Variants in PSD3 observed in about 807,000 individuals in gnomAD.
PSD3 encodes pleckstrin and Sec7 domain containing 3.
Under a neutral mutation model 105.5 loss-of-function variants are expected in PSD3, and 49 were observed. The ratio of observed to expected loss-of-function variants is 0.46; its 90% CI spans 0.37 to 0.59. The LOEUF (loss-of-function observed/expected upper bound fraction) is 0.59, where lower values mean the gene tolerates loss of function less well. Among genes scored for constraint, PSD3 ranks in the 20% least tolerant of loss-of-function variants. The pLI, the probability that PSD3 is intolerant of heterozygous loss-of-function variation, is 0.00. For missense variants in PSD3, 1,561 were observed against 1,263.8 expected, an observed-to-expected ratio of 1.24 and a Z score of -3.57; for synonymous variants, 557 against 457.8, an observed-to-expected ratio of 1.22 and a Z score of -2.77.
intron 1 of PSD3, among the ~76,000 whole-genome samples, chr8:19,029,973 A>G (rs1180425396): frequency 3.3e-5 from 5 of 152,216 alleles, no homozygotes; most frequent in Non-Finnish European, 5.9e-5. Flanking sequence ...TATTCTCTGT[A>G]AAGAGCCTTT....
At chr8:19,069,898 G>A (rs553332120) in intron 1 of PSD3, among the ~76,000 whole-genome samples, 28 of 151,674 alleles carry the variant, frequency 1.8e-4, no homozygotes, top group African/African-American at 6.5e-4. Flanking sequence ...TTTTAGTTGC[G>A]AAATCTGGCA....
intron 15 of PSD3, among the ~76,000 whole-genome samples, chr8:18,537,236 A>T (rs1799896231): frequency 1.3e-5 from 2 of 152,196 alleles, no homozygotes; most frequent in African/African-American, 4.8e-5. Context: ...TACACAACTG[A>T]TAACTTACCA....
At chr8:18,600,562 T>A in intron 11 of PSD3, 128 bp from the exon 12 acceptor site, 1 of 760,990 alleles carries the variant, frequency 1.3e-6, no homozygotes, top group Non-Finnish European at 2.1e-6. Context: ...CAATAAGAAC[T>A]AAAATTTTCT....
At chr8:18,852,658 A>G (rs1157605124) in intron 4 of PSD3, among the ~76,000 whole-genome samples, 1 of 152,174 alleles carries the variant, frequency 6.6e-6, no homozygotes, top group Non-Finnish European at 1.5e-5. Context: ...GAGATGCCCA[A>G]CTGACTGAGA....
rs945064901 is a variant in PSD3, at chr8:18,879,061, C to G, written c.131-6328G>C. Among the ~76,000 whole-genome samples, 8 of 150,008 alleles carry G rather than the reference C, an allele frequency of 5.3e-5. 1 individual carries two copies. The highest frequency in any genetic ancestry group is 4.3e-4 in the South Asian group (2 of 4,666). On this transcript the variant is annotated intron_variant, in intron 2 of 15. Transcript: ENST00000327040. ...AAACACACACACACAAACACACACACACACACACACACACACACACACACA... is the reference window on the plus strand; with the variant it reads ...AAACACACACACACAAACACACACAGACACACACACACACACACACACACA...
chr8:19,028,804 A>T (rs1176765541), intron 1 of PSD3, among the ~76,000 whole-genome samples: 3 of 152,112 alleles, frequency 2.0e-5, no homozygotes, highest in African/African-American at 7.2e-5. Context: ...TAGAATTGTT[A>T]TAGTTTTAGC....
intron 9 of PSD3, among the ~76,000 whole-genome samples, chr8:18,675,862 T>C (rs1286993376): frequency 6.6e-6 from 1 of 152,162 alleles, no homozygotes; most frequent in Admixed American, 6.6e-5. Flanking sequence ...TGCTTCACTA[T>C]GGATGAGTAA....
intron 14 of PSD3, among the ~76,000 whole-genome samples, chr8:18,563,642 G>A (rs1037488511): frequency 2.6e-5 from 4 of 152,052 alleles, no homozygotes; most frequent in African/African-American, 7.2e-5. Flanking sequence ...AAGCAAAATA[G>A]CTTCCACATG....
At chr8:18,733,748 T>C (rs1803940989) in intron 9 of PSD3, 1 of 152,664 alleles carries the variant, frequency 6.6e-6, no homozygotes, top group Admixed American at 6.5e-5. Context: ...CAATTATCTT[T>C]CTTCCAGCTA....
intron 4 of PSD3, among the ~76,000 whole-genome samples, chr8:18,824,005 C>A (rs1299710323): frequency 6.6e-6 from 1 of 151,888 alleles, no homozygotes; most frequent in Non-Finnish European, 1.5e-5. Context: ...CACCGTGAGA[C>A]CTTGCCTAAA....
intron 2 of PSD3, among the ~76,000 whole-genome samples, chr8:18,919,458 C>G (rs1382322854): frequency 6.6e-6 from 1 of 152,004 alleles, no homozygotes; most frequent in African/African-American, 2.4e-5. Context: ...AGAGCTCATT[C>G]AATACTAGAT....
At chr8:18,707,181 C>T (rs1013372348) in intron 9 of PSD3, among the ~76,000 whole-genome samples, 3 of 152,126 alleles carry the variant, frequency 2.0e-5, no homozygotes, top group African/African-American at 4.8e-5. Flanking sequence ...AAATCCTACC[C>T]ATCCTTCAAA....
chr8:18,618,680 AT>A (rs141475612), intron 11 of PSD3, among the ~76,000 whole-genome samples: 13,669 of 148,502 alleles, frequency 0.092, 800 homozygotes, highest in Middle Eastern at 0.27. Flanking sequence ...AGGTTTTTGC[AT>A]TTTTTTTTTC....
intron 1 of PSD3, among the ~76,000 whole-genome samples, chr8:19,077,833 T>A (rs62499163): frequency 0.37 from 56,980 of 151,952 alleles, 10,973 homozygotes; most frequent in South Asian, 0.5. Flanking sequence ...TATAACCCAA[T>A]TCAGGGCATG....
At position 19,074,678 on chromosome 8, in the gene PSD3, T is replaced by A. The variant is rs570782854; in HGVS notation, c.324+9528A>T. ...CTCTGTGGCCCAGGCTGGAGTGCAG[T>A]GACGCGATCGCAGCTCACCGCAAGC... is the stretch of plus-strand genomic sequence containing the variant. On this transcript the variant is annotated intron_variant, in intron 1 of 1. Transcript: ENST00000521475. Among the ~76,000 whole-genome samples, 10 of 136,554 alleles carry A rather than the reference T, an allele frequency of 7.3e-5. No homozygotes were observed. The South Asian group carries it at 7.4e-4, about 10-fold the overall frequency. 89.6% of individuals were successfully genotyped at this position (136,554 alleles called of 152,430 possible).
intron 2 of PSD3, among the ~76,000 whole-genome samples, chr8:18,903,077 G>GTT (rs1819612975): frequency 6.6e-6 from 1 of 152,140 alleles, no homozygotes; most frequent in African/African-American, 2.4e-5. Flanking sequence ...AGGATTGGAT[G>GTT]TAAGTTGCCC....
chr8:19,069,999 C>A (rs553501986), intron 1 of PSD3, among the ~76,000 whole-genome samples: 1 of 150,134 alleles, frequency 6.7e-6, no homozygotes, highest in East Asian at 2.0e-4. Flanking sequence ...GGCTGGCGTG[C>A]AGTGGCATGA....
chr8:18,586,073 A>C (rs1042756202), intron 12 of PSD3, among the ~76,000 whole-genome samples: 3 of 152,116 alleles, frequency 2.0e-5, no homozygotes, highest in Admixed American at 6.6e-5. Context: ...GGCTGCCGAC[A>C]CTGTGCCCAT....
intron 1 of PSD3, among the ~76,000 whole-genome samples, chr8:19,077,071 G>A (rs1331373367): frequency 6.6e-6 from 1 of 152,056 alleles, no homozygotes; most frequent in Non-Finnish European, 1.5e-5. Context: ...ATAGGATATT[G>A]GAAATGCTTT....
Sources: gnomAD v4.1 joint callset for allele counts (sites outside exome capture counted in the v4.1 genomes callset) on GRCh38, gnomAD v4.1.1 for gene constraint, MANE v1.5 for transcripts, NCBI Gene and HGNC (gene_info 2026-07-23, HGNC 2026-07-21) for gene names.